Variants in FBXL8 observed in about 807,000 individuals in gnomAD.
FBXL8 encodes F-box/LRR-repeat protein 8.
FBXL8 carries 13 observed loss-of-function variants against 8.2 expected under a neutral mutation model. The ratio of observed to expected loss-of-function variants is 1.58; its 90% CI spans 1.03 to 2.51. The LOEUF is 2.51. Ranked by LOEUF, FBXL8 falls within the 30% of genes most tolerant of loss-of-function variation. The pLI is 0.00. For synonymous variants in FBXL8, 271 were observed against 260.5 expected (o/e 1.04, Z -0.39); for missense variants, 565 against 540.4 (o/e 1.05, Z -0.45).
At position 67,163,032 on chromosome 16, in the gene FBXL8, G is replaced by A; in HGVS notation, c.337G>A (p.Glu113Lys). 6.4e-7 allele frequency: 1 copy of A among 1,561,986 alleles called. No individual in the cohort carries two copies. The highest frequency in any genetic ancestry group is 1.2e-5 in the South Asian group (1 of 85,156). The change falls in exon 3 of 3, where the codon GAA becomes AAA. Residue 113 changes from glutamate to lysine, a missense_variant. Glu to Lys is a moderately conservative substitution (Grantham distance 56). Transcript: ENST00000258200. ...LRGLRLECRG[E>K]KPLFDAGRDV... ...AGGCCTGCGCCTGGAGTGCCGCGGA[G>A]AAAAACCGCTCTTCGACGCGGGCCG...
chr16:67,162,202 G>A lies in FBXL8; in HGVS notation c.152+265G>A, dbSNP rs557402419. The A allele has an allele frequency of 4.1e-5, 16 of 394,036 alleles. 1 individual carries two copies. The South Asian group carries it at 6.2e-4, about 15-fold the overall frequency. 24.4% of individuals were successfully genotyped at this position (394,036 alleles called of 1,614,324 possible). On this transcript the variant is annotated intron_variant, in intron 2 of 2. Coordinates refer to ENST00000258200, the MANE Select transcript of FBXL8 (RefSeq NM_018378.3). Reference sequence around the variant, plus strand: ...AAACTAGCCGGGCATGGTGGTGGGCGCCTATAATTCTAGCTACTCGGGAGG... The same window carrying A: ...AAACTAGCCGGGCATGGTGGTGGGCACCTATAATTCTAGCTACTCGGGAGG...
Position 67,163,119 on chromosome 16 carries a change from C to T in FBXL8, c.424C>T (p.Leu142=), listed in dbSNP as rs1403515074. The T allele has an allele frequency of 1.3e-6, 2 of 1,578,040 alleles. No individual in the cohort carries two copies. Among genetic ancestry groups the T allele is most frequent in the South Asian group, 1.2e-5 (1 of 86,824 alleles). ...GAASQLRHLD[L]RRLSFTLDDA... ...GGCCAGCCAGCTACGCCACCTCGACCTGCGGCGCTTGTCCTTCACACTGGA... is the reference window on the plus strand; with the variant it reads ...GGCCAGCCAGCTACGCCACCTCGACTTGCGGCGCTTGTCCTTCACACTGGA... Residue 142 remains leucine (L), a synonymous_variant, in exon 3 of 3, where the codon CTG becomes TTG. Coordinates refer to ENST00000258200, the MANE Select transcript of FBXL8 (RefSeq NM_018378.3).
At position 67,161,789 on chromosome 16, in the gene FBXL8, G is replaced by C; in HGVS notation, c.4G>C (p.Ala2Pro). Residue 2 changes from alanine (A) to proline (P), a missense_variant, in exon 2 of 3, where the codon GCC (alanine) becomes CCC (proline). Ala to Pro is a conservative substitution (Grantham distance 27). Coordinates refer to ENST00000258200, the MANE Select transcript of FBXL8 (RefSeq NM_018378.3). M[A>P]EPGEGLPEEV... is the part of the protein sequence containing the mutation. ...CCACCCCAGCCGGATCTGGGCCATG[G>C]CCGAGCCTGGAGAGGGACTGCCAGA... The C allele has an allele frequency of 6.2e-7, 1 of 1,602,876 alleles. No individual in the cohort carries two copies.
rs368788981 is a variant in FBXL8, at chr16:67,161,739, G to C, written c.-47G>C. 1 of 1,528,340 alleles carries C rather than the reference G, an allele frequency of 6.5e-7. No homozygotes were observed. Among genetic ancestry groups the C allele is most frequent in the Non-Finnish European group, 8.8e-7 (1 of 1,133,452 alleles). The allele number at this position is 1,528,340 out of a possible 1,614,324, so 94.7% of individuals were successfully genotyped here. ...GAGACGTCCGTCTCTCTCCAGGCCG[G>C]AGCTATTGGGAGTGGCGGATCCTCC... is the stretch of plus-strand genomic sequence containing the variant. On this transcript the variant is annotated 5_prime_UTR_variant, in exon 2 of 3. Coordinates refer to ENST00000258200, the MANE Select transcript of FBXL8 (RefSeq NM_018378.3).
chr16:67,162,511 G>C, intron 2 of FBXL8: 1 of 687,810 alleles, frequency 1.5e-6, no homozygotes, highest in Non-Finnish European at 2.7e-6. Context: ...ACTTCCCACG[G>C]GTCACTCAGC....
chr16:67,162,163 C>G (rs568669260), intron 2 of FBXL8: 6 of 468,878 alleles, frequency 1.3e-5, no homozygotes, highest in Non-Finnish European at 2.2e-5. Context: ...AACCCCGTCT[C>G]TACTAAAATA....
chr16:67,163,986 C>T lies in FBXL8; in HGVS notation c.*166C>T, dbSNP rs1423740202. ...TGGCATCGGGACCAGTCCTGGGCGC[C>T]CTGAGACCACTCGCTGCTCTCACCC... On this transcript the variant is annotated 3_prime_UTR_variant, in exon 3 of 3. Transcript: ENST00000258200. 7.1e-6 allele frequency: 7 copies of T among 991,460 alleles called. No individual in the cohort carries two copies. The Admixed American group carries it at 9.9e-5, about 14-fold the overall frequency. 61.4% of individuals were successfully genotyped at this position (991,460 alleles called of 1,614,324 possible).
intron 2 of FBXL8, 141 bp downstream of exon 2, chr16:67,162,078 C>G (rs2030931990): frequency 8.3e-7 from 1 of 1,202,182 alleles, no homozygotes; most frequent in African/African-American, 1.6e-5. Context: ...GCCTGTAATC[C>G]CAGCACTTTG....
Position 67,163,871 on chromosome 16 carries a change from A to G in FBXL8, c.*51A>G. The G allele has an allele frequency of 7.3e-7, 1 of 1,372,150 alleles. No homozygotes were observed. The highest frequency in any genetic ancestry group is 9.3e-7 in the Non-Finnish European group (1 of 1,076,894). 85.0% of individuals were successfully genotyped at this position (1,372,150 alleles called of 1,614,324 possible). On this transcript the variant is annotated 3_prime_UTR_variant, in exon 3 of 3. Coordinates refer to ENST00000258200, the MANE Select transcript of FBXL8 (RefSeq NM_018378.3). ...CGTGGACGTAAGCGCTCTGAGAGGG[A>G]ACGGGGGGGGTGTCCAGGCGCGCCC...
At position 67,163,733 on chromosome 16, in the gene FBXL8, C is replaced by T. The variant is rs567180699; in HGVS notation, c.1038C>T (p.Ala346=). ...TGGTGAGCCACTCGGTGCTGGACGC[C>T]TTCCGCGCGCACTGCCCGCGCCTGC... ...FCVVSHSVLD[A]FRAHCPRLRT... is the part of the protein sequence containing the mutation. Residue 346 remains alanine (A), a synonymous_variant, in exon 3 of 3, where the codon GCC becomes GCT. Transcript: ENST00000258200. The T allele has an allele frequency of 3.8e-6, 6 of 1,594,016 alleles. No individual in the cohort carries two copies. Among genetic ancestry groups the T allele is most frequent in the Non-Finnish European group, 5.1e-6 (6 of 1,177,574 alleles).
At chr16:67,160,895 G>A (rs2030874318) in intron 1 of FBXL8, among the ~76,000 whole-genome samples, 1 of 152,102 alleles carries the variant, frequency 6.6e-6, no homozygotes, top group Non-Finnish European at 1.5e-5. Flanking sequence ...AGCCCCTCAG[G>A]CCCCAGAACC....
Position 67,163,570 on chromosome 16 carries a change from T to C in FBXL8, c.875T>C (p.Val292Ala), listed in dbSNP as rs1461014329. 1.9e-6 allele frequency: 3 copies of C among 1,580,882 alleles called. No individual in the cohort carries two copies. The highest frequency in any genetic ancestry group is 2.3e-5 in the East Asian group (1 of 43,172). The change falls in exon 3 of 3, where the codon GTG (valine) becomes GCG (alanine). Residue 292 changes from valine (V) to alanine (A), a missense_variant. Transcript: ENST00000258200. ...LNLSGDTVGP[V>A]RFAAHHYAAT... is the part of the protein sequence containing the mutation. The stretch of plus-strand genomic sequence containing the variant: ...CTCTCAGGCGACACCGTAGGCCCAG[T>C]GCGCTTCGCAGCACACCACTACGCC...
chr16:67,161,455 A>AG (rs899886292), intron 1 of FBXL8, among the ~76,000 whole-genome samples: 2 of 151,716 alleles, frequency 1.3e-5, no homozygotes, highest in African/African-American at 2.4e-5. Flanking sequence ...AAAAAAGAAA[A>AG]AAAAAAAAAA....
In FBXL8 at chr16:67,161,817, A is replaced by G; in HGVS notation, c.32A>G (p.Glu11Gly). 6.2e-7 allele frequency: 1 copy of G among 1,609,822 alleles called. No homozygotes were observed. Among genetic ancestry groups the G allele is most frequent in the Non-Finnish European group, 8.5e-7 (1 of 1,178,304 alleles). The change falls in exon 2 of 3, where the codon GAG (glutamate) becomes GGG (glycine). Residue 11 changes from glutamate (E) to glycine (G), a missense_variant. Transcript: ENST00000258200. MAEPGEGLPE[E>G]VLALIFRHLS... Reference sequence around the variant, plus strand: ...GAGCCTGGAGAGGGACTGCCAGAGGAGGTGCTGGCACTCATCTTCCGCCAC... The same window carrying G: ...GAGCCTGGAGAGGGACTGCCAGAGGGGGTGCTGGCACTCATCTTCCGCCAC...
intron 2 of FBXL8, 62 bp from the exon 3 acceptor site, chr16:67,162,786 G>A: frequency 6.5e-7 from 1 of 1,548,088 alleles, no homozygotes; most frequent in Non-Finnish European, 8.7e-7. Context: ...GGGGTGGGTA[G>A]AGGCTTCTCC....
At chr16:67,162,559 C>T (rs1286707682) in intron 2 of FBXL8, 1 of 703,078 alleles carries the variant, frequency 1.4e-6, no homozygotes, top group African/African-American at 1.7e-5. Context: ...CCTAGCAGTC[C>T]GGAGGCCATG....
chr16:67,163,455 G>GTGGAGC lies in FBXL8; in HGVS notation c.773_778dup (p.Leu258_Glu259dup), dbSNP rs1321270953. 3 of 1,536,444 alleles carry GTGGAGC rather than the reference G, an allele frequency of 2.0e-6. No homozygotes were observed. The highest frequency in any genetic ancestry group is 2.0e-5 in the Admixed American group (1 of 51,274). ...GCGCCGCCGCCACCCTGGGCTGGCAGTGGAGCTGGAGCTGGAGCCCGCGCT... is the reference window on the plus strand; with the variant it reads ...GCGCCGCCGCCACCCTGGGCTGGCAGTGGAGCTGGAGCTGGAGCTGGAGCCCGCGCT... On this transcript the variant is annotated inframe_insertion, in exon 3 of 3. Transcript: ENST00000258200.
rs1567665778 is a variant in FBXL8 at position 67,162,814 on chromosome 16, AGCTGAGGCCTTTTCT to A, written c.153-31_153-17del. 6.5e-7 allele frequency: 1 copy of A among 1,549,134 alleles called. No individual in the cohort carries two copies. The highest frequency in any genetic ancestry group is 1.2e-5 in the South Asian group (1 of 83,982). On this transcript the variant is annotated intron_variant, in intron 2 of 2. Coordinates refer to ENST00000258200, the MANE Select transcript of FBXL8 (RefSeq NM_018378.3). The stretch of plus-strand genomic sequence containing the variant: ...GCTTCTCCGCTGGTCGCAGGGACTC[AGCTGAGGCCTTTTCT>A]GCACGGCTCTAACCCAAGTTGCGAA...
At chr16:67,161,488 G>C (rs961725731) in intron 1 of FBXL8, among the ~76,000 whole-genome samples, 1 of 151,718 alleles carries the variant, frequency 6.6e-6, no homozygotes, top group African/African-American at 2.4e-5. Context: ...AGTTCTCAAC[G>C]TGGAACCTGT....
Sources: allele counts gnomAD v4.1 joint callset (sites outside exome capture counted in the v4.1 genomes callset), GRCh38; gene constraint gnomAD v4.1.1; transcripts MANE v1.5; gene names NCBI Gene and HGNC (gene_info 2026-07-23, HGNC 2026-07-21).